FBXL20: variants seen among roughly 807,000 people sequenced by gnomAD.
FBXL20 encodes the protein F-box/LRR-repeat protein 20.
FBXL20 carries 11 observed loss-of-function variants against 64.0 expected under a neutral mutation model. The observed-to-expected ratio is 0.17, with a 90% CI of 0.11 to 0.28. The LOEUF is 0.28. Ranked by LOEUF, FBXL20 falls within the 10% of genes least tolerant of loss-of-function variation. The pLI, the probability that FBXL20 is intolerant of heterozygous loss-of-function variation, is 1.00. For synonymous variants in FBXL20, 184 were observed against 189.0 expected, an observed-to-expected ratio of 0.97 and a Z score of 0.22; for missense variants, 303 against 526.2, an observed-to-expected ratio of 0.58 and a Z score of 4.15.
intron 1 of FBXL20, among the ~76,000 whole-genome samples, chr17:39,344,514 A>G (rs938304278): frequency 6.6e-6 from 1 of 152,046 alleles, no homozygotes; most frequent in South Asian, 2.1e-4. Context: ...GGCCAGGCAC[A>G]GTGGCTCACA....
intron 1 of FBXL20, among the ~76,000 whole-genome samples, chr17:39,344,366 A>T (rs2047612150): frequency 6.6e-6 from 1 of 151,170 alleles, no homozygotes; most frequent in African/African-American, 2.4e-5. Flanking sequence ...AAAAAAAAAA[A>T]GGTTTACTGC....
At chr17:39,382,497 C>T (rs1232596196) in intron 1 of FBXL20, among the ~76,000 whole-genome samples, 1 of 150,756 alleles carries the variant, frequency 6.6e-6, no homozygotes, top group Non-Finnish European at 1.5e-5. Context: ...TCAAAACAGA[C>T]TTATGAATGT....
intron 1 of FBXL20, among the ~76,000 whole-genome samples, chr17:39,364,286 T>C (rs2047836033): frequency 6.6e-6 from 1 of 152,162 alleles, no homozygotes; most frequent in African/African-American, 2.4e-5. Context: ...ACCCCTTGAA[T>C]CTAGGTTGAC....
At chr17:39,270,417 G>A (rs1311539654) in intron 11 of FBXL20, among the ~76,000 whole-genome samples, 2 of 152,086 alleles carry the variant, frequency 1.3e-5, no homozygotes, top group Non-Finnish European at 1.5e-5. Context: ...GGTGGCACAT[G>A]CTTGTAATCC....
At chr17:39,396,956 C>T (rs577431903) in intron 1 of FBXL20, among the ~76,000 whole-genome samples, 27 of 78,342 alleles carry the variant, frequency 3.4e-4, no homozygotes, top group Non-Finnish European at 5.6e-4. Flanking sequence ...GACTCCGGCT[C>T]AAAAAAAAAA....
intron 1 of FBXL20, among the ~76,000 whole-genome samples, chr17:39,368,289 G>C (rs1015140560): frequency 7.2e-5 from 11 of 152,148 alleles, no homozygotes; most frequent in Non-Finnish European, 1.3e-4. Flanking sequence ...CTACTCAGGA[G>C]GCTAAGGCAG....
intron 1 of FBXL20, among the ~76,000 whole-genome samples, chr17:39,398,139 G>A (rs933380455): frequency 6.1e-5 from 9 of 147,238 alleles, no homozygotes; most frequent in East Asian, 2.0e-4. Flanking sequence ...AAAATTAGCC[G>A]GGCATGGTGG....
chr17:39,295,220 TCAG>T (rs1349913492), intron 6 of FBXL20, among the ~76,000 whole-genome samples: 4 of 152,284 alleles, frequency 2.6e-5, no homozygotes, highest in Middle Eastern at 3.4e-3. Context: ...TTAAAAAAAG[TCAG>T]CAGAAGTAAT....
chr17:39,275,813 A>G (rs1209422718), intron 9 of FBXL20, among the ~76,000 whole-genome samples: 1 of 152,202 alleles, frequency 6.6e-6, no homozygotes, highest in African/African-American at 2.4e-5. Flanking sequence ...AGTGAAAAAA[A>G]TTAAACTGTG....
rs904466405 is a variant in FBXL20 at position 39,398,987 on chromosome 17, T to TA, written c.42+2373dup. ...CTCGCCCGGCCCCTTGGTTTTAAATTAAAAAAATTTTTTTTCTATAGCTCT... is the reference window on the plus strand; with the variant it reads ...CTCGCCCGGCCCCTTGGTTTTAAATTAAAAAAAATTTTTTTTCTATAGCTCT... On this transcript the variant is annotated intron_variant, in intron 1 of 14. Coordinates refer to ENST00000264658, the MANE Select transcript of FBXL20 (RefSeq NM_032875.3). Among the ~76,000 whole-genome samples, 11 of 152,272 alleles carry TA rather than the reference T, an allele frequency of 7.2e-5. No homozygotes were observed. The South Asian group carries it at 1.4e-3, about 20-fold the overall frequency.
At chr17:39,313,485 G>A (rs563744811) in intron 2 of FBXL20, among the ~76,000 whole-genome samples, 2 of 151,942 alleles carry the variant, frequency 1.3e-5, no homozygotes, top group African/African-American at 4.8e-5. Flanking sequence ...CGCCCGCCTC[G>A]GCCTCCCAAA....
At chr17:39,339,487 G>T (rs180714576) in intron 2 of FBXL20, among the ~76,000 whole-genome samples, 12 of 152,220 alleles carry the variant, frequency 7.9e-5, no homozygotes, top group Middle Eastern at 3.4e-3. Context: ...AAATCCTGCT[G>T]TATTTCCTGC....
chr17:39,316,012 A>G (rs1424091524), intron 2 of FBXL20, among the ~76,000 whole-genome samples: 1 of 152,134 alleles, frequency 6.6e-6, no homozygotes, highest in African/African-American at 2.4e-5. Flanking sequence ...TGAACCTTAG[A>G]GTTCAAGGTT....
At chr17:39,392,773 G>A (rs1202312227) in intron 1 of FBXL20, among the ~76,000 whole-genome samples, 2 of 152,148 alleles carry the variant, frequency 1.3e-5, no homozygotes, top group Admixed American at 6.5e-5. Flanking sequence ...AGCACTTTGG[G>A]AGGCCAAGGC....
chr17:39,323,773 GTTTTC>G (rs2144520002), intron 2 of FBXL20, among the ~76,000 whole-genome samples: 1 of 140,158 alleles, frequency 7.1e-6, no homozygotes, highest in South Asian at 2.1e-4. Context: ...GTATACTTCT[GTTTTC>G]TTTTTTTTTT....
chr17:39,319,886 G>A (rs990756126), intron 2 of FBXL20, among the ~76,000 whole-genome samples: 7 of 152,006 alleles, frequency 4.6e-5, no homozygotes, highest in Non-Finnish European at 1.0e-4. Flanking sequence ...TGCTGAGATT[G>A]CAAGCATGAG....
chr17:39,386,627 AAAT>A (rs2048083279), intron 1 of FBXL20, among the ~76,000 whole-genome samples: 1 of 152,266 alleles, frequency 6.6e-6, no homozygotes, highest in Non-Finnish European at 1.5e-5. Context: ...CCGTCTCAAA[AAAT>A]AATAATAATA....
At chr17:39,379,526 T>C (rs1275697814) in intron 1 of FBXL20, among the ~76,000 whole-genome samples, 2 of 148,160 alleles carry the variant, frequency 1.3e-5, no homozygotes, top group Non-Finnish European at 3.0e-5. Context: ...CTTACCCCTA[T>C]AATCCCACTT....
intron 7 of FBXL20, among the ~76,000 whole-genome samples, chr17:39,283,194 T>C (rs936406977): frequency 1.3e-5 from 2 of 152,202 alleles, no homozygotes; most frequent in African/African-American, 2.4e-5. Flanking sequence ...GAGTAATTAA[T>C]AAAGAGCTCT....
Sources: allele counts gnomAD v4.1 joint callset (sites outside exome capture counted in the v4.1 genomes callset), GRCh38; gene constraint gnomAD v4.1.1; transcripts MANE v1.5; gene names NCBI Gene and HGNC (gene_info 2026-07-23, HGNC 2026-07-21).